The following CTNNA3 variants were observed in gnomAD, a reference collection of about 807,000 sequenced individuals.
CTNNA3 encodes the protein catenin alpha 3, also known as catenin alpha-3.
A neutral mutation model predicts 95.7 loss-of-function variants in CTNNA3; 76 were observed. The observed-to-expected ratio is 0.79, with a 90% confidence interval of 0.66 to 0.96. The LOEUF is 0.96. CTNNA3 is among the 40% of genes least tolerant of loss of function. CTNNA3 has a pLI of 0.00. For missense variants in CTNNA3, 1,191 were observed against 1,089.8 expected (o/e 1.09, Z -1.31); for synonymous variants, 431 against 374.4 (o/e 1.15, Z -1.74).
At chr10:67,600,788 A>G (rs185378505) in intron 3 of CTNNA3, among the ~76,000 whole-genome samples, 8 of 152,384 alleles carry the variant, frequency 5.2e-5, no homozygotes, top group Admixed American at 4.6e-4. Flanking sequence ...CATTAAAGAA[A>G]AAACCAGAAA....
At chr10:65,920,726 T>C (rs2077073485) in intron 17 of CTNNA3, 109 bp from the exon 18 acceptor site, 1 of 1,207,634 alleles carries the variant, frequency 8.3e-7, no homozygotes, top group Non-Finnish European at 1.2e-6. Flanking sequence ...CTCAGGAGGC[T>C]GAGGAGGGAG....
chr10:66,688,147 G>C (rs1414398429), intron 9 of CTNNA3, among the ~76,000 whole-genome samples: 3 of 152,106 alleles, frequency 2.0e-5, no homozygotes, highest in Non-Finnish European at 2.9e-5. Context: ...GAAGGAAACA[G>C]GATTTACATG....
chr10:66,697,543 A>G (rs1847810421), intron 9 of CTNNA3, among the ~76,000 whole-genome samples: 1 of 152,126 alleles, frequency 6.6e-6, no homozygotes, highest in African/African-American at 2.4e-5. Flanking sequence ...ATCATAAACT[A>G]CACCAAAGGA....
rs550302463 is a variant in CTNNA3 at position 66,205,575 on chromosome 10, T to C, written c.1884+74895A>G. Reference sequence around the variant, plus strand: ...GAAAACTAAGACCCACCATTGTGTATGCAAGGTAGGAATAGAAAAAAACCC... The same window carrying C: ...GAAAACTAAGACCCACCATTGTGTACGCAAGGTAGGAATAGAAAAAAACCC... On this transcript the variant is annotated intron_variant, in intron 13 of 17. Transcript: ENST00000433211. Among the ~76,000 whole-genome samples, 22 of 152,036 alleles carry C rather than the reference T, an allele frequency of 1.4e-4. No individual in the cohort carries two copies. The South Asian group carries it at 4.6e-3, about 31-fold the overall frequency.
rs1435123630 is a variant in CTNNA3 at position 67,504,190 on chromosome 10, T to C, written c.579+17652A>G. Among the ~76,000 whole-genome samples the C allele has an allele frequency of 1.0e-4, 15 of 143,136 alleles. No individual in the cohort carries two copies. The East Asian group carries it at 1.9e-3, about 18-fold the overall frequency. The allele number at this position is 143,136 out of a possible 152,430, so 93.9% of individuals were successfully genotyped here. On this transcript the variant is annotated intron_variant, in intron 5 of 17. Transcript: ENST00000433211. Reference sequence around the variant, plus strand: ...AAAAACAGGTCGGTGCCAAGGCTCATGCCTGTAATCCCAGAACTTGAGGAG... The same window carrying C: ...AAAAACAGGTCGGTGCCAAGGCTCACGCCTGTAATCCCAGAACTTGAGGAG...
At chr10:67,477,294 T>G (rs1848051809) in intron 5 of CTNNA3, among the ~76,000 whole-genome samples, 1 of 151,876 alleles carries the variant, frequency 6.6e-6, no homozygotes, top group African/African-American at 2.4e-5. Context: ...GTACCTGCCA[T>G]CAGGAAACCT....
intron 5 of CTNNA3, among the ~76,000 whole-genome samples, chr10:67,442,340 C>T (rs1846552887): frequency 6.6e-6 from 1 of 151,868 alleles, no homozygotes; most frequent in South Asian, 2.1e-4. Context: ...AACAAAATAA[C>T]AATAAGTCCT....
At chr10:66,266,503 C>T (rs1255159379) in intron 13 of CTNNA3, among the ~76,000 whole-genome samples, 2 of 152,046 alleles carry the variant, frequency 1.3e-5, no homozygotes, top group Admixed American at 6.6e-5. Context: ...ACATCTCCTA[C>T]TTGCATTTTG....
intron 13 of CTNNA3, among the ~76,000 whole-genome samples, chr10:66,252,558 A>G (rs1481242658): frequency 1.3e-5 from 2 of 152,232 alleles, no homozygotes; most frequent in Non-Finnish European, 2.9e-5. Context: ...AAACATTGTA[A>G]TCAATGCTAT....
At chr10:67,718,806 T>G (rs768000035) in intron 1 of CTNNA3, among the ~76,000 whole-genome samples, 4 of 152,216 alleles carry the variant, frequency 2.6e-5, no homozygotes, top group Admixed American at 6.5e-5. Context: ...ATCAGGATGA[T>G]GCTGGCCTCA....
At position 66,652,291 on chromosome 10, in the gene CTNNA3, C is replaced by T. The variant is rs979374036; in HGVS notation, c.1282-30507G>A. Reference sequence around the variant, plus strand: ...ATAAAAAAGAGAAAGACTCAAATAACATTATGAATGAAGGAGGGGACATTA... The same window carrying T: ...ATAAAAAAGAGAAAGACTCAAATAATATTATGAATGAAGGAGGGGACATTA... On this transcript the variant is annotated intron_variant, in intron 9 of 17. Transcript: ENST00000433211. Among the ~76,000 whole-genome samples, 12 of 151,898 alleles carry T rather than the reference C, an allele frequency of 7.9e-5. No homozygotes were observed. The South Asian group carries it at 2.5e-3, about 32-fold the overall frequency.
At chr10:67,603,385 T>C (rs1843149873) in intron 3 of CTNNA3, among the ~76,000 whole-genome samples, 1 of 152,170 alleles carries the variant, frequency 6.6e-6, no homozygotes, top group African/African-American at 2.4e-5. Flanking sequence ...CATAGTAACA[T>C]TGTAGTGCAA....
chr10:66,957,382 GTATATA>G (rs1196429959), intron 7 of CTNNA3, among the ~76,000 whole-genome samples: 2 of 38,332 alleles, frequency 5.2e-5, no homozygotes, highest in Non-Finnish European at 1.2e-4. Flanking sequence ...ATATGTGTGT[GTATATA>G]TATACATATA....
chr10:67,684,686 C>T (rs575970604), intron 1 of CTNNA3, among the ~76,000 whole-genome samples: 1 of 152,244 alleles, frequency 6.6e-6, no homozygotes, highest in African/African-American at 2.4e-5. Context: ...TCCAGGGGTC[C>T]TCAGTAGAAG....
intron 7 of CTNNA3, among the ~76,000 whole-genome samples, chr10:67,081,141 T>C (rs148373244): frequency 7.5e-4 from 114 of 152,306 alleles, no homozygotes; most frequent in African/African-American, 2.6e-3. Context: ...ACAGAGCTTA[T>C]ACATTTTTGA....
intron 9 of CTNNA3, among the ~76,000 whole-genome samples, chr10:66,657,333 A>G (rs145435272): frequency 6.6e-6 from 1 of 152,278 alleles, no homozygotes; most frequent in East Asian, 1.9e-4. Context: ...CTTTAATCTT[A>G]TAGCAACCTT....
Position 65,919,638 on chromosome 10 carries a change from T to C in CTNNA3, c.*692A>G, listed in dbSNP as rs2077052369. The C allele has an allele frequency of 6.6e-6, 1 of 152,228 alleles. No homozygotes were observed. The highest frequency in any genetic ancestry group is 6.5e-5 in the Admixed American group (1 of 15,286). 9.4% of individuals were successfully genotyped at this position (152,228 alleles called of 1,614,324 possible). A position where few individuals can be genotyped will look rare whatever the true frequency, so the allele number is the denominator to read the frequency against. On this transcript the variant is annotated 3_prime_UTR_variant, in exon 18 of 18. Coordinates refer to ENST00000433211, the MANE Select transcript of CTNNA3 (RefSeq NM_013266.4). ...ATTGGAAACCCAAAAGGTGAGTATGTGGCATCAGAACTCATTGTAACCTTT... is the reference window on the plus strand; with the variant it reads ...ATTGGAAACCCAAAAGGTGAGTATGCGGCATCAGAACTCATTGTAACCTTT...
At chr10:67,685,666 A>C (rs1418466635) in intron 1 of CTNNA3, among the ~76,000 whole-genome samples, 2 of 152,262 alleles carry the variant, frequency 1.3e-5, no homozygotes, top group African/African-American at 4.8e-5. Flanking sequence ...TTATAGGGTT[A>C]CAGAGAAGAC....
At chr10:66,161,574 A>C (rs2084847996) in intron 13 of CTNNA3, among the ~76,000 whole-genome samples, 1 of 152,192 alleles carries the variant, frequency 6.6e-6, no homozygotes, top group African/African-American at 2.4e-5. Context: ...TCTGCTGCTA[A>C]TCTGATAGGT....
Sources: allele counts gnomAD v4.1 joint callset (sites outside exome capture counted in the v4.1 genomes callset), GRCh38; gene constraint gnomAD v4.1.1; transcripts MANE v1.5; gene names NCBI Gene and HGNC (gene_info 2026-07-23, HGNC 2026-07-21).